HSD3B2: variants seen among roughly 807,000 people sequenced by gnomAD.
HSD3B2 encodes the protein hydroxy-delta-5-steroid dehydrogenase, 3 beta- and steroid delta-isomerase 2.
Under a neutral mutation model 9.9 loss-of-function variants are expected in HSD3B2, and 8 were observed. The observed-to-expected ratio is 0.81, with a 90% confidence interval of 0.47 to 1.46. HSD3B2 has a LOEUF of 1.46. Among genes scored for constraint, HSD3B2 ranks in the 40% most tolerant of loss-of-function variants. HSD3B2 has a pLI of 0.00. For missense variants in HSD3B2, 410 were observed against 448.3 expected, an observed-to-expected ratio of 0.91 and a Z score of 0.77; for synonymous variants, 221 against 184.5, an observed-to-expected ratio of 1.20 and a Z score of -1.60.
At position 119,419,447 on chromosome 1, in the gene HSD3B2, C is replaced by T. The variant is rs996018890; in HGVS notation, c.172C>T (p.Leu58Phe). The change falls in exon 3 of 4, where the codon CTT (leucine) becomes TTT (phenylalanine). Residue 58 changes from leucine to phenylalanine, a missense_variant. Coordinates refer to ENST00000369416, the MANE Select transcript of HSD3B2 (RefSeq NM_000198.4). The part of the protein sequence containing the change: ...KLQNRTKLTV[L>F]EGDILDEPFL... ...CCAGAACAGGACCAAGCTGACTGTACTTGAAGGAGACATTCTGGATGAGCC... is the reference window on the plus strand; with the variant it reads ...CCAGAACAGGACCAAGCTGACTGTATTTGAAGGAGACATTCTGGATGAGCC... 6.2e-7 allele frequency: 1 copy of T among 1,613,626 alleles called. No homozygotes were observed. Among genetic ancestry groups the T allele is most frequent in the African/African-American group, 1.3e-5 (1 of 74,886 alleles).
At position 119,422,987 on chromosome 1, in the gene HSD3B2, A is replaced by G. The variant is rs769352247; in HGVS notation, c.*367A>G. On this transcript the variant is annotated 3_prime_UTR_variant, in exon 4 of 4. Coordinates refer to ENST00000369416, the MANE Select transcript of HSD3B2 (RefSeq NM_000198.4). The stretch of plus-strand genomic sequence containing the variant: ...TTTCTCTTTAATCTCCTATTCCTTC[A>G]CACAGTTCAACATAAAGAGCAATAA... 1.3e-5 allele frequency: 5 copies of G among 398,762 alleles called. No homozygotes were observed. Among genetic ancestry groups the G allele is most frequent in the Non-Finnish European group, 2.3e-5 (5 of 216,882 alleles). The allele number at this position is 398,762 out of a possible 1,614,324, so 24.7% of individuals were successfully genotyped here. A position where few individuals can be genotyped will look rare whatever the true frequency, so the allele number is the denominator to read the frequency against.
At chr1:119,419,901 C>G (rs1460991947) in intron 3 of HSD3B2, 4 of 361,176 alleles carry the variant, frequency 1.1e-5, no homozygotes, top group Non-Finnish European at 2.1e-5. Flanking sequence ...AATCAAAAGT[C>G]AACTAAACTC....
At chr1:119,417,504 G>T (rs776796117) in intron 2 of HSD3B2, 1 of 152,194 alleles carries the variant, frequency 6.6e-6, no homozygotes, top group African/African-American at 2.4e-5. Flanking sequence ...AAAAGGTAGA[G>T]GTGGAAATAC....
rs1295447927 is a variant in HSD3B2 at position 119,422,096 on chromosome 1, G to A, written c.595G>A (p.Ala199Thr). The change falls in exon 4 of 4, where the codon GCC (alanine) becomes ACC (threonine). Residue 199 changes from alanine to threonine, a missense_variant. Physicochemically the swap from Ala to Thr is moderately conservative, Grantham distance 58. Coordinates refer to ENST00000369416, the MANE Select transcript of HSD3B2 (RefSeq NM_000198.4). Reference protein sequence around the residue: ...IYGEGGPFLSASINEALNNNG... With the variant: ...IYGEGGPFLSTSINEALNNNG... ...TGGGGAAGGAGGCCCATTCCTTTCT[G>A]CCAGTATAAATGAGGCCCTGAACAA... The A allele has an allele frequency of 6.2e-7, 1 of 1,614,072 alleles. No homozygotes were observed. Among genetic ancestry groups the A allele is most frequent in the South Asian group, 1.1e-5 (1 of 91,076 alleles).
chr1:119,418,135 G>T (rs1401871261), intron 2 of HSD3B2, among the ~76,000 whole-genome samples: 5 of 152,218 alleles, frequency 3.3e-5, no homozygotes, highest in Admixed American at 3.3e-4. Flanking sequence ...TTTCAGAGGA[G>T]CCTGAAGATA....
Position 119,415,160 on chromosome 1 carries a change from G to T in HSD3B2, c.-132G>T. 1 of 456,434 alleles carries T rather than the reference G, an allele frequency of 2.2e-6. No individual in the cohort carries two copies. Among genetic ancestry groups the T allele is most frequent in the Non-Finnish European group, 4.1e-6 (1 of 246,718 alleles). 28.3% of individuals were successfully genotyped at this position (456,434 alleles called of 1,614,324 possible). A position where few individuals can be genotyped will look rare whatever the true frequency, so the allele number is the denominator to read the frequency against. ...CCTTCCTCCAGGGATGAGGCAGTAAGGACTTGGACTCCTCTGTCCAGCTTT... is the reference window on the plus strand; with the variant it reads ...CCTTCCTCCAGGGATGAGGCAGTAATGACTTGGACTCCTCTGTCCAGCTTT... On this transcript the variant is annotated 5_prime_UTR_variant, in exon 1 of 4. It adds an upstream start codon to the 5' untranslated region. Coordinates refer to ENST00000369416, the MANE Select transcript of HSD3B2 (RefSeq NM_000198.4).
At chr1:119,419,976 T>G (rs916391725) in intron 3 of HSD3B2, 32 of 318,428 alleles carry the variant, frequency 1.0e-4, no homozygotes, top group Non-Finnish European at 1.9e-4. Context: ...ACCTTCCAGG[T>G]GCCACCATAG....
intron 2 of HSD3B2, among the ~76,000 whole-genome samples, chr1:119,415,887 C>T (rs773637558): frequency 1.4e-4 from 21 of 152,188 alleles, no homozygotes; most frequent in East Asian, 3.9e-4. Flanking sequence ...TTTGTCTTGG[C>T]GATTGCTGTG....
chr1:119,414,934 G>T, upstream of HSD3B2: 1 of 191,190 alleles, frequency 5.2e-6, no homozygotes, highest in Admixed American at 5.3e-5. Context: ...TTCTGTTAAG[G>T]CTAAAGCCAA....
intron 3 of HSD3B2, 42 bp downstream of exon 3, chr1:119,419,624 G>A: frequency 6.3e-7 from 1 of 1,589,478 alleles, no homozygotes; most frequent in African/African-American, 1.3e-5. Context: ...TTGGTTAAAT[G>A]AGGATCAGAA....
At chr1:119,419,786 A>G in intron 3 of HSD3B2, 1 of 603,650 alleles carries the variant, frequency 1.7e-6, no homozygotes, top group Non-Finnish European at 3.0e-6. Flanking sequence ...ACAGCAAGTA[A>G]CTTGTCCAAG....
chr1:119,415,541 A>T lies in HSD3B2; in HGVS notation c.122A>T (p.Glu41Val), dbSNP rs1651680292. The change falls in exon 2 of 4, where the codon GAA becomes GTA. Residue 41 changes from glutamate to valine, a missense_variant. By Grantham distance (121) the Glu-to-Val change is moderately radical. Transcript: ENST00000369416. ...IRALDKAFRPELREEFSKLQN... is the reference protein window; with the variant it reads ...IRALDKAFRPVLREEFSKLQN... ...GCCTTGGACAAGGCCTTCAGACCAG[A>T]ATTGAGAGAGGAATTTTCTAGTAAG... 1.2e-6 allele frequency: 2 copies of T among 1,613,748 alleles called. No individual in the cohort carries two copies. The highest frequency in any genetic ancestry group is 2.7e-5 in the African/African-American group (2 of 74,886).
chr1:119,421,777 C>T (rs757020245), intron 3 of HSD3B2, 32 bp from the exon 4 acceptor site: 2 of 1,612,280 alleles, frequency 1.2e-6, no homozygotes, highest in Admixed American at 1.7e-5. Flanking sequence ...TGGGATATTT[C>T]CTGACACTGT....
chr1:119,415,607 G>A (rs1040254040), intron 2 of HSD3B2, 46 bp downstream of exon 2: 1 of 1,604,692 alleles, frequency 6.2e-7, no homozygotes, highest in Non-Finnish European at 8.5e-7. Context: ...CTTAAACTCT[G>A]CATGGGTGTG....
In HSD3B2 at chr1:119,422,192, G is replaced by T. The variant is rs1376510434; in HGVS notation, c.691G>T (p.Ala231Ser). Residue 231 changes from alanine (A) to serine (S), a missense_variant, in exon 4 of 4, where the codon GCC (alanine) becomes TCC (serine). By Grantham distance (99) the Ala-to-Ser change is moderately conservative (BLOSUM62 1). Coordinates refer to ENST00000369416, the MANE Select transcript of HSD3B2 (RefSeq NM_000198.4). ...NPVYVGNVAW[A>S]HILALRALRD... Reference sequence around the variant, plus strand: ...AGTCTATGTTGGCAACGTGGCCTGGGCCCACATTCTGGCCTTGAGGGCTCT... The same window carrying T: ...AGTCTATGTTGGCAACGTGGCCTGGTCCCACATTCTGGCCTTGAGGGCTCT... 1 of 1,614,098 alleles carries T rather than the reference G, an allele frequency of 6.2e-7. No homozygotes were observed. The highest frequency in any genetic ancestry group is 8.5e-7 in the Non-Finnish European group (1 of 1,180,014).
chr1:119,414,985 T>C (rs1651664878), upstream of HSD3B2: 2 of 220,788 alleles, frequency 9.1e-6, no homozygotes, highest in South Asian at 7.7e-5. Context: ...GGATTTCTCT[T>C]CCTGTTCCTG....
intron 2 of HSD3B2, among the ~76,000 whole-genome samples, chr1:119,416,585 C>G (rs1651716088): frequency 6.6e-6 from 1 of 152,186 alleles, no homozygotes; most frequent in African/African-American, 2.4e-5. Context: ...CAGTCTCTCC[C>G]TTTGCCTCTC....
chr1:119,421,428 T>TTATA (rs1491499291), intron 3 of HSD3B2, among the ~76,000 whole-genome samples: 1 of 16,654 alleles, frequency 6.0e-5, no homozygotes, highest in African/African-American at 3.6e-4. Flanking sequence ...TATATATATG[T>TTATA]ATATATATAT....
intron 2 of HSD3B2, among the ~76,000 whole-genome samples, chr1:119,418,885 C>G (rs1651783426): frequency 6.6e-6 from 1 of 152,012 alleles, no homozygotes; most frequent in Non-Finnish European, 1.5e-5. Flanking sequence ...CTCCAGAAAT[C>G]AAGTGATTCA....
Sources: allele counts gnomAD v4.1 joint callset (sites outside exome capture counted in the v4.1 genomes callset), GRCh38; gene constraint gnomAD v4.1.1; transcripts MANE v1.5; gene names NCBI Gene and HGNC (gene_info 2026-07-23, HGNC 2026-07-21).